The following CASK variants were observed in gnomAD, a reference collection of about 807,000 sequenced individuals.
CASK encodes the protein calcium/calmodulin dependent serine protein kinase, also known as peripheral plasma membrane protein CASK.
A neutral mutation model predicts 82.9 loss-of-function variants in CASK; 4 were observed. The observed-to-expected ratio is 0.05, with a 90% CI of 0.02 to 0.11. The LOEUF is 0.11. Among genes scored for constraint, CASK ranks in the 10% least tolerant of loss-of-function variants. CASK has a pLI of 1.00. For missense variants in CASK, 358 were observed against 720.9 expected (o/e 0.50, Z 5.76); for synonymous variants, 259 against 253.5 (o/e 1.02, Z -0.20).
At chrX:41,749,244 G>A (rs1386009947) in intron 3 of CASK, among the ~76,000 whole-genome samples, 2 of 107,239 alleles carry the variant, frequency 1.9e-5, no homozygotes, top group Non-Finnish European at 3.8e-5. Flanking sequence ...AGCTGAGATT[G>A]CACCACTGCA....
At chrX:41,651,339 G>A (rs977289788) in intron 8 of CASK, among the ~76,000 whole-genome samples, 18 of 111,899 alleles carry the variant, frequency 1.6e-4, no homozygotes, top group African/African-American at 5.8e-4. Flanking sequence ...TACCTCTAAA[G>A]TGTTCATTAT....
Position 41,923,051 on chromosome X carries a change from G to C in CASK, c.-63C>G. 1 of 1,043,262 alleles carries C rather than the reference G, an allele frequency of 9.6e-7. No homozygotes were observed. Among genetic ancestry groups the C allele is most frequent in the Non-Finnish European group, 1.3e-6 (1 of 744,518 alleles). 86.0% of individuals were successfully genotyped at this position (1,043,262 alleles called of 1,213,427 possible). ...CGAAAACGGGGGTGGGGGCGCCCAA[G>C]AGCTCAGTGCCCAGCCCCGGGATCG... On this transcript the variant is annotated 5_prime_UTR_variant, in exon 1 of 27. Transcript: ENST00000378163.
intron 5 of CASK, among the ~76,000 whole-genome samples, chrX:41,706,495 C>G (rs1175885733): frequency 9.0e-6 from 1 of 111,536 alleles, no homozygotes; most frequent in African/African-American, 3.3e-5. Flanking sequence ...CAGGATCAAA[C>G]TAGCTATTGG....
intron 2 of CASK, among the ~76,000 whole-genome samples, chrX:41,833,852 G>A (rs888667614): frequency 9.0e-6 from 1 of 111,319 alleles, no homozygotes; most frequent in Non-Finnish European, 1.9e-5. Context: ...GGGCTCAGGC[G>A]ATCCTCCCAC....
chrX:41,877,637 T>C lies in CASK; in HGVS notation c.60-24410A>G, dbSNP rs1278515081. Among the ~76,000 whole-genome samples the C allele has an allele frequency of 3.6e-5, 4 of 112,050 alleles. No individual in the cohort carries two copies. In the South Asian group the frequency reaches 1.5e-3, roughly 41 times the overall value. ...CCTGTGGTACTGGAATACCTGTGCC[T>C]ACAAAAGCAGCTATTGAATAAGGTA... On this transcript the variant is annotated intron_variant, in intron 1 of 26. Transcript: ENST00000378163.
intron 12 of CASK, among the ~76,000 whole-genome samples, chrX:41,599,411 C>T (rs1394026223): frequency 9.0e-6 from 1 of 111,454 alleles, no homozygotes; most frequent in Non-Finnish European, 1.9e-5. Context: ...GCAAAAAAGG[C>T]AATTAAAAAA....
At chrX:41,915,295 C>T (rs1304275537) in intron 1 of CASK, among the ~76,000 whole-genome samples, 2 of 111,787 alleles carry the variant, frequency 1.8e-5, no homozygotes, top group African/African-American at 3.3e-5. Context: ...CAATCCAAAG[C>T]CAAAGTAACA....
intron 5 of CASK, chrX:41,695,730 C>A (rs771424808): frequency 8.3e-7 from 1 of 1,207,962 alleles, no homozygotes; most frequent in South Asian, 1.8e-5. Context: ...TAGCGACCAA[C>A]CGCCACAAAA....
At chrX:41,588,163 G>A (rs1043485386) in intron 13 of CASK, 2 of 112,222 alleles carry the variant, frequency 1.8e-5, no homozygotes, top group African/African-American at 6.5e-5. Context: ...GTTCATTAGA[G>A]TGCTGGTTAT....
rs753772005 is a variant in CASK at position 41,779,080 on chromosome X, T to C, written c.278+8098A>G. Among the ~76,000 whole-genome samples, 9 of 112,159 alleles carry C rather than the reference T, an allele frequency of 8.0e-5. No individual in the cohort carries two copies. In the East Asian group the frequency reaches 2.5e-3, roughly 32 times the overall value. ...TACTAAGGTTGGCCCTTGAGAGGTT[T>C]ATCTGGGAACTTGGATTTCAGGACG... On this transcript the variant is annotated intron_variant, in intron 3 of 26. Coordinates refer to ENST00000378163, the MANE Select transcript of CASK (RefSeq NM_001367721.1).
intron 8 of CASK, among the ~76,000 whole-genome samples, chrX:41,646,772 A>G (rs755191472): frequency 9.0e-6 from 1 of 111,202 alleles, no homozygotes; most frequent in African/African-American, 3.3e-5. Flanking sequence ...TAGACGAATA[A>G]TCAAACCGTC....
rs954482536 is a variant in CASK, at chrX:41,525,793, G to A, written c.2521-1759C>T. Among the ~76,000 whole-genome samples, 3 of 112,188 alleles carry A rather than the reference G, an allele frequency of 2.7e-5. No homozygotes were observed. The Admixed American group carries it at 2.8e-4, about 11-fold the overall frequency. ...TCTTTGTGTATACAGGCATGTAAGA[G>A]ACAAATTTGACATGAAAGGTTCTTT... is the stretch of plus-strand genomic sequence containing the variant. On this transcript the variant is annotated intron_variant, in intron 25 of 26. Coordinates refer to ENST00000378163, the MANE Select transcript of CASK (RefSeq NM_001367721.1).
Position 41,636,647 on chromosome X carries a change from G to A in CASK, c.846C>T (p.Tyr282=), listed in dbSNP as rs886128077. Residue 282 remains tyrosine, a synonymous_variant, in exon 9 of 27, where the codon TAC becomes TAT. Coordinates refer to ENST00000378163, the MANE Select transcript of CASK (RefSeq NM_001367721.1). ...NHPWLKERDR[Y]AYKIHLPETV... is the part of the protein sequence containing the mutation. Reference sequence around the variant, plus strand: ...TTTCTGGAAGATGAATCTTGTAGGCGTAACGATCCCGCTCCTATGTAAGAT... The same window carrying A: ...TTTCTGGAAGATGAATCTTGTAGGCATAACGATCCCGCTCCTATGTAAGAT... 13 of 1,177,718 alleles carry A rather than the reference G, an allele frequency of 1.1e-5. No homozygotes were observed. Among genetic ancestry groups the A allele is most frequent in the African/African-American group, 3.5e-5 (2 of 56,570 alleles).
At chrX:41,543,979 T>C (rs1175103849) in intron 21 of CASK, among the ~76,000 whole-genome samples, 1 of 112,485 alleles carries the variant, frequency 8.9e-6, no homozygotes, top group East Asian at 2.8e-4. Flanking sequence ...AGACTGATCA[T>C]TTTTTCATAT....
chrX:41,690,004 C>T (rs1025649116), intron 5 of CASK, among the ~76,000 whole-genome samples: 3 of 110,912 alleles, frequency 2.7e-5, no homozygotes, highest in African/African-American at 6.6e-5. Flanking sequence ...GGTGGTGGTG[C>T]GGGGGTACAA....
At position 41,573,075 on chromosome X, in the gene CASK, C is replaced by CT. The variant is rs147599527; in HGVS notation, c.1504-3330dup. On this transcript the variant is annotated intron_variant, in intron 15 of 26. Coordinates refer to ENST00000378163, the MANE Select transcript of CASK (RefSeq NM_001367721.1). The stretch of plus-strand genomic sequence containing the variant: ...CCTCTGTGTGTAAAATTTCTTTTTT[C>CT]TTTTTTTTTTTTTTTTTGAGATGGA... Among the ~76,000 whole-genome samples the CT allele has an allele frequency of 6.0e-3, 530 of 87,842 alleles. 6 individuals are homozygous for CT. The highest frequency in any genetic ancestry group is 0.015 in the African/African-American group (382 of 24,779). The allele number at this position is 87,842 out of a possible 115,157, so 76.3% of individuals were successfully genotyped here.
At chrX:41,882,596 C>T (rs1262109585) in intron 1 of CASK, among the ~76,000 whole-genome samples, 4 of 111,541 alleles carry the variant, frequency 3.6e-5, no homozygotes, top group Admixed American at 9.5e-5. Context: ...AGATACCATC[C>T]GAAGGGTAAA....
At position 41,517,094 on chromosome X, in the gene CASK, G is replaced by A. The variant is rs751833469; in HGVS notation, c.*3326C>T. On this transcript the variant is annotated 3_prime_UTR_variant, in exon 27 of 27. Transcript: ENST00000378163. ...AGGCTGTAAAAAGGTAACAGTAGCT[G>A]CAGCCCAGGCCTGCCTGGAGCACAG... The A allele has an allele frequency of 8.8e-6, 1 of 113,067 alleles. No homozygotes were observed. Among genetic ancestry groups the A allele is most frequent in the Non-Finnish European group, 1.9e-5 (1 of 53,502 alleles). 9.3% of individuals were successfully genotyped at this position (113,067 alleles called of 1,213,427 possible).
At chrX:41,869,458 A>T (rs1441290355) in intron 1 of CASK, among the ~76,000 whole-genome samples, 1 of 111,182 alleles carries the variant, frequency 9.0e-6, no homozygotes, top group Non-Finnish European at 1.9e-5. Context: ...CTCTCAAGAA[A>T]AGATACCGTA....
Sources: gnomAD v4.1 joint callset for allele counts (sites outside exome capture counted in the v4.1 genomes callset) on GRCh38, gnomAD v4.1.1 for gene constraint, MANE v1.5 for transcripts, NCBI Gene and HGNC (gene_info 2026-07-23, HGNC 2026-07-21) for gene names.